The following HUWE1 variants were observed in gnomAD, a reference collection of about 807,000 sequenced individuals.
HUWE1 encodes HECT, UBA and WWE domain containing E3 ubiquitin protein ligase 1, also known as E3 ubiquitin-protein ligase HUWE1.
A neutral mutation model predicts 299.4 loss-of-function variants in HUWE1; 18 were observed. The ratio of observed to expected loss-of-function variants is 0.06; its 90% CI spans 0.04 to 0.09. The LOEUF is 0.09. Among genes scored for constraint, HUWE1 ranks in the 10% least tolerant of loss-of-function variants. The pLI, the probability that HUWE1 is intolerant of heterozygous loss-of-function variation, is 1.00. For synonymous variants in HUWE1, 1,317 were observed against 1,286.1 expected (o/e 1.02, Z -0.51); for missense variants, 1,832 against 3,462.3 (o/e 0.53, Z 11.82).
intron 42 of HUWE1, among the ~76,000 whole-genome samples, chrX:53,582,420 A>C (rs1368014004): frequency 1.8e-5 from 2 of 112,398 alleles, no homozygotes; most frequent in African/African-American, 6.5e-5. Flanking sequence ...CTGTGTAAAG[A>C]ACTGTCTGAA....
intron 23 of HUWE1, among the ~76,000 whole-genome samples, chrX:53,609,975 G>C (rs1569488781): frequency 8.9e-6 from 1 of 111,869 alleles, no homozygotes; most frequent in Non-Finnish European, 1.9e-5. Flanking sequence ...CCAGAACCAG[G>C]TTTGGGTAGG....
intron 13 of HUWE1, 38 bp downstream of exon 13, chrX:53,629,478 G>A: frequency 2.2e-6 from 2 of 925,555 alleles, no homozygotes; most frequent in Non-Finnish European, 3.1e-6. Flanking sequence ...GGTCCCAAGT[G>A]TTACAGCTAA....
intron 33 of HUWE1, among the ~76,000 whole-genome samples, chrX:53,591,415 T>C (rs1011053270): frequency 9.0e-6 from 1 of 111,407 alleles, no homozygotes; most frequent in South Asian, 3.8e-4. Flanking sequence ...AATTAAAAGA[T>C]TGAGACTCAT....
At chrX:53,600,027 T>G (rs1041823081) in intron 29 of HUWE1, 91 bp downstream of exon 29, 9 of 847,111 alleles carry the variant, frequency 1.1e-5, no homozygotes, top group Non-Finnish European at 1.4e-5. Context: ...TAAACTTCCT[T>G]AGGTGAAACA....
In HUWE1 at chrX:53,533,250, C is replaced by T. The variant is rs928537615; in HGVS notation, c.*59G>A. 5.6e-6 allele frequency: 4 copies of T among 717,786 alleles called. No homozygotes were observed. Among genetic ancestry groups the T allele is most frequent in the Admixed American group, 5.4e-5 (2 of 36,997 alleles). The allele number at this position is 717,786 out of a possible 1,213,427, so 59.2% of individuals were successfully genotyped here. ...TTTCTTTCTGGTTCTTTTTTTAACT[C>T]CCCCCTCCCCAGGTCCAACAATGGT... On this transcript the variant is annotated 3_prime_UTR_variant, in exon 84 of 84. Coordinates refer to ENST00000262854, the MANE Select transcript of HUWE1 (RefSeq NM_031407.7).
At chrX:53,665,411 TGCACTGCAGTTA>T (rs2069198975) in intron 3 of HUWE1, among the ~76,000 whole-genome samples, 1 of 112,385 alleles carries the variant, frequency 8.9e-6, no homozygotes, top group Non-Finnish European at 1.9e-5. Flanking sequence ...GGTGTTTCTC[TGCACTGCAGTTA>T]TGCTTAAGCA....
intron 76 of HUWE1, 66 bp from the exon 77 acceptor site, chrX:53,538,520 C>G: frequency 2.6e-6 from 2 of 771,084 alleles, no homozygotes; most frequent in East Asian, 6.4e-5. Context: ...AGACAGCCAA[C>G]CAGCTAGCAA....
At chrX:53,683,768 C>T in intron 2 of HUWE1, 1 of 283,851 alleles carries the variant, frequency 3.5e-6, no homozygotes, top group Non-Finnish European at 6.2e-6. Flanking sequence ...ATAGCCAACA[C>T]CTCTGTGCTG....
chrX:53,534,478 A>G (rs1414963698), intron 82 of HUWE1, 38 bp downstream of exon 82: 5 of 1,149,359 alleles, frequency 4.4e-6, no homozygotes, highest in Non-Finnish European at 5.9e-6. Flanking sequence ...GCCTAGGGTA[A>G]GAGGACCATA....
At chrX:53,571,775 G>T (rs782268238) in intron 47 of HUWE1, among the ~76,000 whole-genome samples, 1 of 111,676 alleles carries the variant, frequency 9.0e-6, no homozygotes, top group East Asian at 2.8e-4. Context: ...TAACTATAAT[G>T]CAATACCACT....
rs1556924691 is a variant in HUWE1, at chrX:53,548,001, G to A, written c.10308C>T (p.Asn3436=). 1 of 1,211,679 alleles carries A rather than the reference G, an allele frequency of 8.3e-7. No homozygotes were observed. The highest frequency in any genetic ancestry group is 2.2e-5 in the Admixed American group (1 of 46,084). ...LEASPLGQLM[N]MLSHPVIRRS... ...GGCGGATGACTGGGTGTGACAACATGTTCATGAGCTGCCCCAGTGGAGAGG... is the reference window on the plus strand; with the variant it reads ...GGCGGATGACTGGGTGTGACAACATATTCATGAGCTGCCCCAGTGGAGAGG... The change falls in exon 68 of 84, where the codon AAC becomes AAT. Residue 3436 remains asparagine (N), a synonymous_variant. Coordinates refer to ENST00000262854, the MANE Select transcript of HUWE1 (RefSeq NM_031407.7).
chrX:53,538,746 TCTCTCTC>T (rs2061203507), intron 76 of HUWE1, 82 bp downstream of exon 76: 14 of 909,461 alleles, frequency 1.5e-5, no homozygotes, highest in South Asian at 4.3e-5. Context: ...TCTCTCTCTC[TCTCTCTC>T]ATCAACTAAG....
At chrX:53,629,415 A>C in intron 13 of HUWE1, 101 bp downstream of exon 13, 8 of 538,843 alleles carry the variant, frequency 1.5e-5, no homozygotes, top group East Asian at 3.6e-5. Flanking sequence ...CTCATTATGT[A>C]TATGCAAATA....
At chrX:53,633,416 T>C (rs1002433719) in intron 8 of HUWE1, among the ~76,000 whole-genome samples, 3 of 112,596 alleles carry the variant, frequency 2.7e-5, no homozygotes, top group African/African-American at 9.7e-5. Context: ...GTAGTTTTGA[T>C]TATTAAACAG....
At chrX:53,543,573 T>A in intron 73 of HUWE1, 1 of 366,207 alleles carries the variant, frequency 2.7e-6, no homozygotes, top group Non-Finnish European at 4.8e-6. Context: ...CAGACAACAC[T>A]TAGCATCAGG....
chrX:53,624,039 G>T (rs190926130), intron 19 of HUWE1, among the ~76,000 whole-genome samples: 4 of 112,437 alleles, frequency 3.6e-5, no homozygotes, highest in Non-Finnish European at 7.5e-5. Flanking sequence ...CCAGAAAATA[G>T]GTATTTACTT....
intron 26 of HUWE1, 71 bp from the exon 27 acceptor site, chrX:53,603,572 C>A: frequency 9.8e-7 from 1 of 1,022,938 alleles, no homozygotes; most frequent in East Asian, 3.1e-5. Flanking sequence ...AAAAATTGAC[C>A]TTCAACAGTT....
chrX:53,590,069 T>A (rs947320963), intron 35 of HUWE1, among the ~76,000 whole-genome samples: 1 of 112,145 alleles, frequency 8.9e-6, no homozygotes, highest in East Asian at 2.8e-4. Context: ...CGCAAAATCA[T>A]TTCTAGACAC....
intron 19 of HUWE1, among the ~76,000 whole-genome samples, chrX:53,624,378 T>G (rs1424798158): frequency 8.9e-6 from 1 of 112,016 alleles, no homozygotes; most frequent in African/African-American, 3.3e-5. Context: ...GCACCTCTAA[T>G]CCCAGCTACT....
Sources: allele counts gnomAD v4.1 joint callset (sites outside exome capture counted in the v4.1 genomes callset), GRCh38; gene constraint gnomAD v4.1.1; transcripts MANE v1.5; gene names NCBI Gene and HGNC (gene_info 2026-07-23, HGNC 2026-07-21).